C12orf56: variants seen among roughly 807,000 people sequenced by gnomAD.
C12orf56 encodes uncharacterized protein C12orf56.
A neutral mutation model predicts 69.9 loss-of-function variants in C12orf56; 71 were observed. The observed-to-expected ratio is 1.02, with a 90% confidence interval of 0.84 to 1.24. The LOEUF is 1.24. Among genes scored for constraint, C12orf56 ranks in the 50% most tolerant of loss-of-function variants. The pLI, the probability that C12orf56 is intolerant of heterozygous loss-of-function variation, is 0.00. For synonymous variants in C12orf56, 276 were observed against 274.1 expected, an observed-to-expected ratio of 1.01 and a Z score of -0.07; for missense variants, 732 against 738.5, an observed-to-expected ratio of 0.99 and a Z score of 0.10.
chr12:64,331,978 T>C (rs2038936526), intron 2 of C12orf56, among the ~76,000 whole-genome samples: 1 of 151,782 alleles, frequency 6.6e-6, no homozygotes, highest in East Asian at 1.9e-4. Context: ...AAAAAAGACT[T>C]TGCTCCTTCC....
intron 1 of C12orf56, among the ~76,000 whole-genome samples, chr12:64,388,631 G>A (rs2039825453): frequency 6.6e-6 from 1 of 152,174 alleles, no homozygotes. Context: ...GTCTGTAGTG[G>A]ATCACTTGAG....
intron 1 of C12orf56, among the ~76,000 whole-genome samples, chr12:64,364,309 T>A (rs1283823524): frequency 6.6e-6 from 1 of 151,994 alleles, no homozygotes; most frequent in Non-Finnish European, 1.5e-5. Flanking sequence ...CAAAAACTTC[T>A]TAAATTTAAA....
chr12:64,287,026 C>T (rs1448452371), intron 6 of C12orf56, among the ~76,000 whole-genome samples: 1 of 152,028 alleles, frequency 6.6e-6, no homozygotes, highest in African/African-American at 2.4e-5. Context: ...CACTTGAGGT[C>T]AGGAGTTCGA....
chr12:64,302,422 C>G (rs2136802876), intron 6 of C12orf56, among the ~76,000 whole-genome samples: 1 of 152,302 alleles, frequency 6.6e-6, no homozygotes, highest in South Asian at 2.1e-4. Context: ...TCACCCTAAT[C>G]TGGGCAAACC....
intron 11 of C12orf56, among the ~76,000 whole-genome samples, chr12:64,272,092 C>G (rs1260838558): frequency 6.6e-6 from 1 of 152,222 alleles, no homozygotes; most frequent in Non-Finnish European, 1.5e-5. Context: ...TACAGTGGCA[C>G]ATGCCTGTAT....
At chr12:64,322,145 A>G (rs2038781759) in intron 3 of C12orf56, among the ~76,000 whole-genome samples, 2 of 151,264 alleles carry the variant, frequency 1.3e-5, no homozygotes, top group African/African-American at 2.4e-5. Flanking sequence ...GTGCCTGGCT[A>G]TTTTTCTGCA....
chr12:64,312,564 G>C lies in C12orf56; in HGVS notation c.968+115C>G, dbSNP rs530372487. On this transcript the variant is annotated intron_variant, in intron 5 of 12. Transcript: ENST00000543942. ...GTAGAGGTTGCAGTGAGCCAAGACT[G>C]TGCCACTGCACTCCAGCCTGGGAAA... 96 of 738,630 alleles carry C rather than the reference G, an allele frequency of 1.3e-4. No individual in the cohort carries two copies. The South Asian group carries it at 1.5e-3, about 12-fold the overall frequency. The allele number at this position is 738,630 out of a possible 1,614,324, so 45.8% of individuals were successfully genotyped here.
intron 11 of C12orf56, among the ~76,000 whole-genome samples, chr12:64,271,071 C>A (rs982212454): frequency 6.6e-6 from 1 of 152,120 alleles, no homozygotes; most frequent in African/African-American, 2.4e-5. Context: ...GAGGCTGAGG[C>A]AGGAAAGTCG....
intron 5 of C12orf56, among the ~76,000 whole-genome samples, chr12:64,311,252 T>C (rs1270121541): frequency 6.6e-6 from 1 of 151,702 alleles, no homozygotes; most frequent in African/African-American, 2.4e-5. Context: ...CTGGCCAACA[T>C]GGTGAAACTC....
chr12:64,302,603 C>T (rs1445568378), intron 6 of C12orf56, among the ~76,000 whole-genome samples: 1 of 151,976 alleles, frequency 6.6e-6, no homozygotes, highest in African/African-American at 2.4e-5. Context: ...TGAACACAGC[C>T]CTAGACAGGG....
At chr12:64,278,153 G>A (rs1403508050) in intron 8 of C12orf56, among the ~76,000 whole-genome samples, 1 of 152,144 alleles carries the variant, frequency 6.6e-6, no homozygotes, top group Non-Finnish European at 1.5e-5. Flanking sequence ...CAATATTATA[G>A]TTAAAATAGA....
rs1404799318 is a variant in C12orf56, at chr12:64,275,193, AATC to A, written c.1509+102_1509+104del. On this transcript the variant is annotated intron_variant, in intron 10 of 12. Transcript: ENST00000543942. ...GTACAAGCATTTTTGATATATTATT[AATC>A]ATATAACATAATCACATAATATACA... is the stretch of plus-strand genomic sequence containing the variant. 1.5e-5 allele frequency: 11 copies of A among 717,530 alleles called. No homozygotes were observed. In the East Asian group the frequency reaches 1.7e-4, roughly 11 times the overall value. The allele number at this position is 717,530 out of a possible 1,614,324, so 44.4% of individuals were successfully genotyped here. A position where few individuals can be genotyped will look rare whatever the true frequency, so the allele number is the denominator to read the frequency against.
chr12:64,267,561 G>T (rs2037932044), intron 12 of C12orf56: 2 of 391,488 alleles, frequency 5.1e-6, no homozygotes, highest in Non-Finnish European at 9.1e-6. Context: ...AGAGGCTCCT[G>T]CTTCTTGGTT....
chr12:64,280,855 C>A (rs993781364), intron 8 of C12orf56, among the ~76,000 whole-genome samples: 1 of 152,186 alleles, frequency 6.6e-6, no homozygotes, highest in Non-Finnish European at 1.5e-5. Flanking sequence ...CCTCGTGAGA[C>A]CCTGGGCAAA....
intron 10 of C12orf56, 124 bp downstream of exon 10, chr12:64,275,173 AG>A: frequency 1.4e-6 from 1 of 697,898 alleles, no homozygotes; most frequent in Non-Finnish European, 2.3e-6. Flanking sequence ...CTCAAGTACA[AG>A]CATTTTTGAT....
intron 11 of C12orf56, among the ~76,000 whole-genome samples, chr12:64,273,322 A>G (rs1401403677): frequency 6.6e-6 from 1 of 151,136 alleles, no homozygotes; most frequent in Non-Finnish European, 1.5e-5. Flanking sequence ...AAAAAAAAGA[A>G]CATATTACCT....
chr12:64,284,850 A>G (rs923055161), intron 7 of C12orf56, 97 bp from the exon 8 acceptor site: 2 of 815,618 alleles, frequency 2.5e-6, no homozygotes, highest in Non-Finnish European at 3.8e-6. Context: ...CTGCTTCCAG[A>G]TATCCATACA....
In C12orf56 at chr12:64,277,648, A is replaced by G. The variant is rs115148445; in HGVS notation, c.1434+32T>C. ...CCAGGGCCCCTATATATATATATAT[A>G]TAATAGTTTACCCCCCAAATTCTCA... On this transcript the variant is annotated intron_variant, in intron 9 of 12. Transcript: ENST00000543942. 1.2e-3 allele frequency: 1,640 copies of G among 1,386,284 alleles called. 13 individuals are homozygous for G. The African/African-American group carries it at 0.021, about 18-fold the overall frequency. 85.9% of individuals were successfully genotyped at this position (1,386,284 alleles called of 1,614,324 possible). A position where few individuals can be genotyped will look rare whatever the true frequency, so the allele number is the denominator to read the frequency against.
Position 64,318,215 on chromosome 12 carries a change from C to T in C12orf56, c.894+360G>A, listed in dbSNP as rs2038714490. On this transcript the variant is annotated intron_variant, in intron 4 of 12. Coordinates refer to ENST00000543942, the MANE Select transcript of C12orf56 (RefSeq NM_001170633.2). ...AGCTGGGATTACCGGCGCGCACCAC[C>T]ACATCCGGCTAATTTTTGTATTTTT... Among the ~76,000 whole-genome samples, 3 of 152,048 alleles carry T rather than the reference C, an allele frequency of 2.0e-5. No homozygotes were observed. The South Asian group carries it at 6.2e-4, about 32-fold the overall frequency.
Sources: allele counts gnomAD v4.1 joint callset (sites outside exome capture counted in the v4.1 genomes callset), GRCh38; gene constraint gnomAD v4.1.1; transcripts MANE v1.5; gene names NCBI Gene and HGNC (gene_info 2026-07-23, HGNC 2026-07-21).